SYT1: variants seen among roughly 807,000 people sequenced by gnomAD.
SYT1 encodes synaptotagmin 1.
Under a neutral mutation model 44.8 loss-of-function variants are expected in SYT1, and 8 were observed. That is an observed-to-expected ratio of 0.18 (90% confidence interval 0.10 to 0.32). SYT1 has a LOEUF of 0.32. Among genes scored for constraint, SYT1 ranks in the 10% least tolerant of loss-of-function variants. SYT1 has a pLI of 1.00. For synonymous variants in SYT1, 154 were observed against 188.8 expected, an observed-to-expected ratio of 0.82 and a Z score of 1.51; for missense variants, 286 against 509.3, an observed-to-expected ratio of 0.56 and a Z score of 4.22.
chr12:79,118,037 C>T (rs1457637819), intron 3 of SYT1, among the ~76,000 whole-genome samples: 1 of 151,878 alleles, frequency 6.6e-6, no homozygotes, highest in Non-Finnish European at 1.5e-5. Flanking sequence ...AGAAAGGAAC[C>T]CCTTGGTCCT....
chr12:78,980,448 T>C (rs1259977306), intron 2 of SYT1, among the ~76,000 whole-genome samples: 1 of 152,228 alleles, frequency 6.6e-6, no homozygotes, highest in Non-Finnish European at 1.5e-5. Context: ...TTAAATTGTT[T>C]CTGCGTTCAT....
chr12:78,874,378 A>AG, intron 1 of SYT1, among the ~76,000 whole-genome samples: 1 of 151,704 alleles, frequency 6.6e-6, no homozygotes, highest in Non-Finnish European at 1.5e-5. Flanking sequence ...AAATAGTGAT[A>AG]GGCAAATTGA....
At chr12:79,117,829 C>A (rs558437803) in intron 3 of SYT1, among the ~76,000 whole-genome samples, 36 of 150,560 alleles carry the variant, frequency 2.4e-4, no homozygotes, top group African/African-American at 8.5e-4. Context: ...AATGCAGTGT[C>A]ATAAATACTT....
intron 4 of SYT1, among the ~76,000 whole-genome samples, chr12:79,270,470 G>A (rs1197040110): frequency 6.6e-6 from 1 of 152,124 alleles, no homozygotes; most frequent in Non-Finnish European, 1.5e-5. Flanking sequence ...TGAGGCTCTT[G>A]GCTGAAATAT....
At chr12:79,170,143 G>A (rs1394139760) in intron 3 of SYT1, among the ~76,000 whole-genome samples, 1 of 152,046 alleles carries the variant, frequency 6.6e-6, no homozygotes, top group Non-Finnish European at 1.5e-5. Flanking sequence ...ATTGTGAATA[G>A]GGCTGCAATG....
chr12:79,089,721 C>T (rs1386715731), intron 3 of SYT1, among the ~76,000 whole-genome samples: 2 of 152,022 alleles, frequency 1.3e-5, no homozygotes, highest in Non-Finnish European at 2.9e-5. Flanking sequence ...CTGCTACTAC[C>T]TCATTTTGTC....
At chr12:79,310,726 T>C (rs1341331238) in intron 8 of SYT1, among the ~76,000 whole-genome samples, 1 of 152,244 alleles carries the variant, frequency 6.6e-6, no homozygotes, top group Non-Finnish European at 1.5e-5. Context: ...GAAGAGGTCC[T>C]TCACGTCCCT....
chr12:79,100,616 G>T (rs1334946518), intron 3 of SYT1, among the ~76,000 whole-genome samples: 4 of 152,068 alleles, frequency 2.6e-5, no homozygotes, highest in Non-Finnish European at 5.9e-5. Context: ...TGATGGGGTG[G>T]CAGTAATTTA....
chr12:79,086,893 A>G (rs1400173004), intron 3 of SYT1, among the ~76,000 whole-genome samples: 1 of 152,148 alleles, frequency 6.6e-6, no homozygotes, highest in African/African-American at 2.4e-5. Context: ...TTCATTTATA[A>G]AATGCCTTTT....
chr12:79,419,851 G>A (rs1247911304), intron 9 of SYT1, among the ~76,000 whole-genome samples: 1 of 151,856 alleles, frequency 6.6e-6, no homozygotes, highest in Non-Finnish European at 1.5e-5. Context: ...ATGTTTTTAT[G>A]ACACACACAG....
In SYT1 at chr12:78,956,355, T is replaced by C. The variant is rs1879218319; in HGVS notation, c.-216-21444T>C. 2.0e-5 allele frequency among the ~76,000 whole-genome samples: 3 copies of C among 152,044 alleles called. No homozygotes were observed. The South Asian group carries it at 6.2e-4, about 31-fold the overall frequency. ...CTAGCTCTTCTCCTTTTTTTTTCCATGATGGGCAATTTGTTTAACTTCCCT... is the reference window on the plus strand; with the variant it reads ...CTAGCTCTTCTCCTTTTTTTTTCCACGATGGGCAATTTGTTTAACTTCCCT... On this transcript the variant is annotated intron_variant, in intron 1 of 10. Transcript: ENST00000261205.
At chr12:78,974,432 T>G (rs1868660990) in intron 1 of SYT1, among the ~76,000 whole-genome samples, 1 of 151,934 alleles carries the variant, frequency 6.6e-6, no homozygotes, top group Admixed American at 6.6e-5. Flanking sequence ...TATTTTATTT[T>G]TATTTATTTA....
intron 1 of SYT1, among the ~76,000 whole-genome samples, chr12:78,884,907 A>C (rs1199175503): frequency 6.6e-6 from 1 of 151,924 alleles, no homozygotes; most frequent in Non-Finnish European, 1.5e-5. Flanking sequence ...TAGAGTTTTC[A>C]TTACATACCA....
At chr12:79,098,628 G>C (rs1470741305) in intron 3 of SYT1, among the ~76,000 whole-genome samples, 1 of 152,130 alleles carries the variant, frequency 6.6e-6, no homozygotes, top group Non-Finnish European at 1.5e-5. Flanking sequence ...AACATTTAAT[G>C]TTCTGGTTAG....
At chr12:79,445,990 C>CACATATAT (rs1351149858) in intron 10 of SYT1, among the ~76,000 whole-genome samples, 9 of 44,152 alleles carry the variant, frequency 2.0e-4, no homozygotes, top group East Asian at 7.8e-4. Flanking sequence ...AATCCAAAGA[C>CACATATAT]ATATATATAT....
At chr12:79,116,807 C>T (rs1038366737) in intron 3 of SYT1, among the ~76,000 whole-genome samples, 1 of 152,090 alleles carries the variant, frequency 6.6e-6, no homozygotes, top group Non-Finnish European at 1.5e-5. Context: ...GAGAATTTTC[C>T]ATTCAGCTAC....
chr12:79,326,111 G>A (rs552966830), intron 8 of SYT1, among the ~76,000 whole-genome samples: 150 of 152,200 alleles, frequency 9.9e-4, no homozygotes, highest in African/African-American at 3.5e-3. Flanking sequence ...TTCACAGGAC[G>A]ACTGTGAATT....
At chr12:79,229,967 A>G (rs1875770329) in intron 4 of SYT1, among the ~76,000 whole-genome samples, 2 of 152,106 alleles carry the variant, frequency 1.3e-5, no homozygotes, top group Admixed American at 1.3e-4. Flanking sequence ...CATTTTCAGT[A>G]TATTAAAAAC....
At chr12:79,180,825 G>A (rs558539945) in intron 3 of SYT1, among the ~76,000 whole-genome samples, 3 of 152,102 alleles carry the variant, frequency 2.0e-5, no homozygotes, top group South Asian at 4.2e-4. Context: ...GTTTGGCTGT[G>A]TCCCCCAGCC....
Sources: allele counts gnomAD v4.1 joint callset (sites outside exome capture counted in the v4.1 genomes callset), GRCh38; gene constraint gnomAD v4.1.1; transcripts MANE v1.5; gene names NCBI Gene and HGNC (gene_info 2026-07-23, HGNC 2026-07-21).